Variants in ST6GALNAC3 observed in about 807,000 individuals in gnomAD.
ST6GALNAC3 encodes the protein ST6 N-acetylgalactosaminide alpha-2,6-sialyltransferase 3.
A neutral mutation model predicts 32.7 loss-of-function variants in ST6GALNAC3; 25 were observed. That is an observed-to-expected ratio of 0.76 (90% confidence interval 0.56 to 1.07). The LOEUF (loss-of-function observed/expected upper bound fraction) is 1.07. ST6GALNAC3 is among the 50% of genes least tolerant of loss of function. ST6GALNAC3 has a pLI of 0.00. For missense variants in ST6GALNAC3, 355 were observed against 382.4 expected (o/e 0.93, Z 0.60); for synonymous variants, 129 against 133.1 (o/e 0.97, Z 0.21).
chr1:76,603,376 C>T (rs985623335), intron 3 of ST6GALNAC3, among the ~76,000 whole-genome samples: 1 of 152,052 alleles, frequency 6.6e-6, no homozygotes, highest in Non-Finnish European at 1.5e-5. Context: ...ATGGATTTTA[C>T]TATGGTAGTA....
chr1:76,578,718 C>T (rs142418429), intron 3 of ST6GALNAC3, among the ~76,000 whole-genome samples: 3 of 152,026 alleles, frequency 2.0e-5, no homozygotes, highest in East Asian at 1.9e-4. Context: ...CACATGGACT[C>T]GTTTTACATA....
intron 3 of ST6GALNAC3, among the ~76,000 whole-genome samples, chr1:76,606,223 C>T (rs2100650024): frequency 6.6e-6 from 1 of 152,192 alleles, no homozygotes; most frequent in Non-Finnish European, 1.5e-5. Flanking sequence ...TGGGTATATA[C>T]CCAAATAAAT....
At chr1:76,093,028 T>C (rs2100753660) in intron 1 of ST6GALNAC3, among the ~76,000 whole-genome samples, 1 of 152,354 alleles carries the variant, frequency 6.6e-6, no homozygotes, top group South Asian at 2.1e-4. Flanking sequence ...ATTCAGAATT[T>C]ATTTGTTGAA....
rs143054477 is a variant in ST6GALNAC3 at position 76,630,691 on chromosome 1, T to C, written c.*1885T>C. 2 of 985,632 alleles carry C rather than the reference T, an allele frequency of 2.0e-6. No individual in the cohort carries two copies. The highest frequency in any genetic ancestry group is 9.4e-5 in the South Asian group (2 of 21,284). 61.1% of individuals were successfully genotyped at this position (985,632 alleles called of 1,614,324 possible). A position where few individuals can be genotyped will look rare whatever the true frequency, so the allele number is the denominator to read the frequency against. ...GATAAAGGCCTTTTGCCTACTCTCT[T>C]CTGCAATTTTGACACCTCAATATTC... On this transcript the variant is annotated 3_prime_UTR_variant, in exon 5 of 5. Transcript: ENST00000328299.
intron 3 of ST6GALNAC3, among the ~76,000 whole-genome samples, chr1:76,445,824 C>T (rs961535282): frequency 3.3e-5 from 5 of 152,128 alleles, no homozygotes; most frequent in Non-Finnish European, 7.3e-5. Context: ...CACTCCACCC[C>T]TCGTCATGTC....
At chr1:76,155,288 G>T (rs1048473065) in intron 1 of ST6GALNAC3, among the ~76,000 whole-genome samples, 7 of 152,016 alleles carry the variant, frequency 4.6e-5, no homozygotes, top group Non-Finnish European at 1.0e-4. Flanking sequence ...TCCTCCATGC[G>T]CCTACACTGG....
At chr1:76,350,033 T>C (rs1648841832) in intron 2 of ST6GALNAC3, among the ~76,000 whole-genome samples, 1 of 152,224 alleles carries the variant, frequency 6.6e-6, no homozygotes, top group African/African-American at 2.4e-5. Flanking sequence ...AGATTTATTT[T>C]ATAATGTCGC....
intron 1 of ST6GALNAC3, among the ~76,000 whole-genome samples, chr1:76,232,590 C>T (rs938154206): frequency 6.6e-5 from 10 of 152,212 alleles, no homozygotes; most frequent in African/African-American, 2.4e-4. Flanking sequence ...CGGAGAAGGT[C>T]CTCTCCTTAA....
intron 1 of ST6GALNAC3, among the ~76,000 whole-genome samples, chr1:76,088,737 A>T (rs1646998516): frequency 1.3e-5 from 2 of 152,254 alleles, no homozygotes; most frequent in Admixed American, 6.5e-5. Context: ...CACAAAAAAA[A>T]CTAAAGGGAT....
chr1:76,274,718 T>C (rs1177809017), intron 1 of ST6GALNAC3, among the ~76,000 whole-genome samples: 1 of 152,170 alleles, frequency 6.6e-6, no homozygotes, highest in Non-Finnish European at 1.5e-5. Flanking sequence ...AATGCAAACA[T>C]AGGTATTTTA....
At chr1:76,438,420 TGAGCC>T (rs1011315252) in intron 3 of ST6GALNAC3, among the ~76,000 whole-genome samples, 40 of 152,330 alleles carry the variant, frequency 2.6e-4, no homozygotes, top group African/African-American at 9.6e-4. Flanking sequence ...ATTACAGGCG[TGAGCC>T]ACCCCGCCTG....
At chr1:76,428,855 T>A (rs997341816) in intron 3 of ST6GALNAC3, among the ~76,000 whole-genome samples, 2 of 152,128 alleles carry the variant, frequency 1.3e-5, no homozygotes, top group African/African-American at 4.8e-5. Context: ...GTAAACAGGC[T>A]ATGTTTTGCC....
chr1:76,590,648 A>G (rs1306713020), intron 3 of ST6GALNAC3, among the ~76,000 whole-genome samples: 1 of 152,218 alleles, frequency 6.6e-6, no homozygotes, highest in Admixed American at 6.5e-5. Flanking sequence ...TAGGCATTCA[A>G]TGTGAATAAT....
rs148855763 is a variant in ST6GALNAC3 at position 76,089,167 on chromosome 1, T to C, written c.18+14283T>C. On this transcript the variant is annotated intron_variant, in intron 1 of 4. Transcript: ENST00000328299. The stretch of plus-strand genomic sequence containing the variant: ...CCTCAGCTTCCCAAGTAGCTGGGAC[T>C]ACAGGCACCTGCCACTACGCCCGGC... 5.5e-3 allele frequency among the ~76,000 whole-genome samples: 838 copies of C among 152,274 alleles called. 12 individuals are homozygous for C. Among genetic ancestry groups the C allele is most frequent in the African/African-American group, 0.019 (807 of 41,568 alleles).
chr1:76,098,387 A>G (rs1343885896), intron 1 of ST6GALNAC3, among the ~76,000 whole-genome samples: 1 of 152,204 alleles, frequency 6.6e-6, no homozygotes, highest in African/African-American at 2.4e-5. Context: ...AAATTAGTGT[A>G]TCAAATTACT....
intron 1 of ST6GALNAC3, among the ~76,000 whole-genome samples, chr1:76,269,221 C>T (rs10218683): frequency 0.23 from 35,239 of 152,148 alleles, 5,355 homozygotes; most frequent in East Asian, 0.7. Flanking sequence ...CTTCCCCCTT[C>T]CTCCTTGTTG....
intron 2 of ST6GALNAC3, among the ~76,000 whole-genome samples, chr1:76,345,926 T>C (rs533722913): frequency 6.6e-6 from 1 of 152,186 alleles, no homozygotes; most frequent in East Asian, 1.9e-4. Flanking sequence ...CTCTTAGATG[T>C]CCTCCTGACT....
chr1:76,219,974 C>T (rs1349157541), intron 1 of ST6GALNAC3, among the ~76,000 whole-genome samples: 1 of 152,078 alleles, frequency 6.6e-6, no homozygotes, highest in Admixed American at 6.6e-5. Context: ...AGAGAGGGTA[C>T]ACAGTGGTGA....
chr1:76,299,513 A>C (rs1660604073), intron 1 of ST6GALNAC3, among the ~76,000 whole-genome samples: 1 of 151,962 alleles, frequency 6.6e-6, no homozygotes, highest in African/African-American at 2.4e-5. Context: ...GGGGTTGTAA[A>C]AGTTCAGTCA....
Sources: gnomAD v4.1 joint callset for allele counts (sites outside exome capture counted in the v4.1 genomes callset) on GRCh38, gnomAD v4.1.1 for gene constraint, MANE v1.5 for transcripts, NCBI Gene and HGNC (gene_info 2026-07-23, HGNC 2026-07-21) for gene names.